The following SIM2 variants were observed in gnomAD, a reference collection of about 807,000 sequenced individuals.
SIM2 encodes the protein single-minded homolog 2.
SIM2 carries 28 observed loss-of-function variants against 64.8 expected under a neutral mutation model. The observed-to-expected ratio is 0.43, with a 90% CI of 0.32 to 0.59. The LOEUF (loss-of-function observed/expected upper bound fraction) is 0.59. Ranked by LOEUF, SIM2 falls within the 20% of genes least tolerant of loss-of-function variation. The pLI is 0.07. For missense variants in SIM2, 847 were observed against 871.4 expected (o/e 0.97, Z 0.35); for synonymous variants, 408 against 391.1 (o/e 1.04, Z -0.51).
Position 36,743,424 on chromosome 21 carries a change from C to G in SIM2, c.1036C>G (p.Gln346Glu). 6.2e-7 allele frequency: 1 copy of G among 1,613,990 alleles called. No individual in the cohort carries two copies. The highest frequency in any genetic ancestry group is 8.5e-7 in the Non-Finnish European group (1 of 1,179,934). ...CAAGGAACTTCAGCTGTCCCTGGAGCAGGTGTCCACTGCCAAGTCCCAGGA... is the reference window on the plus strand; with the variant it reads ...CAAGGAACTTCAGCTGTCCCTGGAGGAGGTGTCCACTGCCAAGTCCCAGGA... ...EYKELQLSLE[Q>E]VSTAKSQDSW... Residue 346 changes from glutamine to glutamate, a missense_variant, in exon 9 of 11, where the codon CAG (glutamine) becomes GAG (glutamate). This residue lies in a region of SIM2 where 447 missense variants were observed against 414.6 expected (regional missense o/e 1.08). Coordinates refer to ENST00000290399, the MANE Select transcript of SIM2 (RefSeq NM_005069.6).
intron 1 of SIM2, among the ~76,000 whole-genome samples, chr21:36,702,003 G>A (rs1211649996): frequency 2.0e-5 from 3 of 152,230 alleles, no homozygotes; most frequent in South Asian, 2.1e-4. Flanking sequence ...TAGTAAGGGA[G>A]GGCCGAGAAG....
rs373311762 is a variant in SIM2 at position 36,707,950 on chromosome 21, G to C, written c.176-1218G>C. 7.9e-5 allele frequency among the ~76,000 whole-genome samples: 12 copies of C among 152,304 alleles called. 1 individual carries two copies. The highest frequency in any genetic ancestry group is 3.9e-4 in the East Asian group (2 of 5,168). ...CACTCAGGACGGCAGTGGGGGGCTG[G>C]GGCTGGGGCTGGGCCTGGCCCAGCG... On this transcript the variant is annotated intron_variant, in intron 1 of 10. Transcript: ENST00000290399.
At chr21:36,710,353 C>G (rs1408347764) in intron 2 of SIM2, 1 of 152,286 alleles carries the variant, frequency 6.6e-6, no homozygotes, top group South Asian at 2.1e-4. Flanking sequence ...CGCCCCTGAC[C>G]TCGGCTTTTC....
Position 36,699,472 on chromosome 21 carries a change from G to A in SIM2, c.-275G>A, listed in dbSNP as rs2088451521. ...GGAGGGAGGAAACAGGAGCGAGCAG[G>A]AACGGGGCTCCGGTTGCTGCAGGAC... On this transcript the variant is annotated 5_prime_UTR_variant, in exon 1 of 11. Transcript: ENST00000290399. This position sits in a 1 kb window ranked among gnomAD's most constrained non-coding sequence, Gnocchi z 5.6. The A allele has an allele frequency of 3.9e-6, 1 of 258,402 alleles. No individual in the cohort carries two copies. Among genetic ancestry groups the A allele is most frequent in the African/African-American group, 2.3e-5 (1 of 44,380 alleles). 16.0% of individuals were successfully genotyped at this position (258,402 alleles called of 1,614,324 possible).
In SIM2 at chr21:36,743,468, G is replaced by T; in HGVS notation, c.1080G>T (p.Leu360Phe). 1 of 1,614,128 alleles carries T rather than the reference G, an allele frequency of 6.2e-7. No individual in the cohort carries two copies. Among genetic ancestry groups the T allele is most frequent in the Non-Finnish European group, 8.5e-7 (1 of 1,180,000 alleles). Residue 360 changes from leucine to phenylalanine, a missense_variant, in exon 9 of 11, where the codon TTG becomes TTT. By Grantham distance (22) the Leu-to-Phe change is conservative (BLOSUM62 0). Around this residue, in one of 3 missense-constraint regions of SIM2, gnomAD observed 447 missense variants for 414.6 expected, o/e 1.08. Transcript: ENST00000290399. Reference sequence around the variant, plus strand: ...CCCAGGACTCCTGGAGGACCGCCTTGTCTACCTCACAAGAAACTAGGAAAT... The same window carrying T: ...CCCAGGACTCCTGGAGGACCGCCTTTTCTACCTCACAAGAAACTAGGAAAT... Reference protein sequence around the residue: ...AKSQDSWRTALSTSQETRKLV... With the variant: ...AKSQDSWRTAFSTSQETRKLV...
At chr21:36,724,275 G>A (rs2088861910) in intron 5 of SIM2, among the ~76,000 whole-genome samples, 1 of 152,114 alleles carries the variant, frequency 6.6e-6, no homozygotes, top group Non-Finnish European at 1.5e-5. Flanking sequence ...CATTCTTCAG[G>A]GCACTTGGGT....
At chr21:36,735,248 G>A (rs550209610) in intron 7 of SIM2, among the ~76,000 whole-genome samples, 5 of 152,192 alleles carry the variant, frequency 3.3e-5, no homozygotes, top group African/African-American at 1.2e-4. Context: ...AGGCCTCAGT[G>A]GGGGAGAACA....
chr21:36,743,168 C>T (rs2123503522), intron 8 of SIM2, among the ~76,000 whole-genome samples: 1 of 152,334 alleles, frequency 6.6e-6, no homozygotes, highest in Non-Finnish European at 1.5e-5. Context: ...GGAGAGAGCT[C>T]TGACCTGGCT....
At position 36,699,712 on chromosome 21, in the gene SIM2, A is replaced by T. The variant is rs768175455; in HGVS notation, c.-35A>T. The T allele has an allele frequency of 6.2e-7, 1 of 1,600,774 alleles. No homozygotes were observed. The highest frequency in any genetic ancestry group is 8.5e-7 in the Non-Finnish European group (1 of 1,174,332). ...GAGCGGGGCTCCGCGGGCCTGGAGC[A>T]CGGCCGGGTCTAATATGCCCGGAGC... On this transcript the variant is annotated 5_prime_UTR_variant, in exon 1 of 11. Coordinates refer to ENST00000290399, the MANE Select transcript of SIM2 (RefSeq NM_005069.6). This position sits in a 1 kb window ranked among gnomAD's most constrained non-coding sequence, Gnocchi z 5.6.
At chr21:36,723,728 C>T (rs2088853814) in intron 5 of SIM2, among the ~76,000 whole-genome samples, 1 of 152,220 alleles carries the variant, frequency 6.6e-6, no homozygotes, top group Non-Finnish European at 1.5e-5. Flanking sequence ...GGAGCTGGGA[C>T]TCTGAGCCCA....
At position 36,747,888 on chromosome 21, in the gene SIM2, C is replaced by T. The variant is rs557536178; in HGVS notation, c.1800C>T (p.Leu600=). ...GAPAQLPFVL[L]NYHRVLARRG... ...CGGCGCAGCTGCCCTTCGTGCTGCT[C>T]AACTACCACCGCGTGCTGGCCCGGC... Residue 600 remains leucine (L), a synonymous_variant, in exon 11 of 11, where the codon CTC becomes CTT. Transcript: ENST00000290399. The surrounding 1 kb of genome is among the most constrained non-coding windows in gnomAD (Gnocchi z 4.5). 318 of 1,073,478 alleles carry T rather than the reference C, an allele frequency of 3.0e-4. No individual in the cohort carries two copies. In the African/African-American group the frequency reaches 4.9e-3, roughly 17 times the overall value. The allele number at this position is 1,073,478 out of a possible 1,614,324, so 66.5% of individuals were successfully genotyped here. A position where few individuals can be genotyped will look rare whatever the true frequency, so the allele number is the denominator to read the frequency against.
At position 36,716,061 on chromosome 21, in the gene SIM2, G is replaced by A. The variant is rs149836146; in HGVS notation, c.348+3439G>A. ...GCAGGCTTTCAGCCTGAAAACTCCC[G>A]TTGGTGGGCACACTCGCACACGTGT... On this transcript the variant is annotated intron_variant, in intron 3 of 10. Coordinates refer to ENST00000290399, the MANE Select transcript of SIM2 (RefSeq NM_005069.6). Among the ~76,000 whole-genome samples the A allele has an allele frequency of 9.5e-3, 1,446 of 152,278 alleles. 14 individuals carry two copies. The highest frequency in any genetic ancestry group is 0.013 in the Non-Finnish European group (876 of 68,018).
chr21:36,722,331 C>T (rs769897418), intron 4 of SIM2, among the ~76,000 whole-genome samples: 1 of 152,176 alleles, frequency 6.6e-6, no homozygotes, highest in Admixed American at 6.5e-5. Flanking sequence ...AGGGCAGTGA[C>T]CTCAGGGAGG....
At chr21:36,705,526 C>A (rs746708901) in intron 1 of SIM2, among the ~76,000 whole-genome samples, 1 of 152,218 alleles carries the variant, frequency 6.6e-6, no homozygotes, top group Non-Finnish European at 1.5e-5. Context: ...CCGGCAAACA[C>A]TGGGGCTTCG....
chr21:36,743,998 C>T (rs909751505), intron 9 of SIM2, among the ~76,000 whole-genome samples: 4 of 152,150 alleles, frequency 2.6e-5, no homozygotes, highest in Admixed American at 2.0e-4. Flanking sequence ...CCTGTAATAC[C>T]AGCACTTTGG....
chr21:36,727,648 A>G (rs2088910041), intron 6 of SIM2, among the ~76,000 whole-genome samples: 2 of 152,194 alleles, frequency 1.3e-5, no homozygotes, highest in African/African-American at 2.4e-5. Context: ...TCAGCTGTGC[A>G]GTCGGGAATA....
At chr21:36,738,347 TA>T (rs1331089587) in intron 7 of SIM2, among the ~76,000 whole-genome samples, 1 of 151,946 alleles carries the variant, frequency 6.6e-6, no homozygotes, top group Admixed American at 6.6e-5. Flanking sequence ...TCTACTAAAC[TA>T]CAAAAAATTA....
At chr21:36,725,143 C>T (rs528693523) in intron 5 of SIM2, among the ~76,000 whole-genome samples, 5 of 152,166 alleles carry the variant, frequency 3.3e-5, no homozygotes, top group East Asian at 1.9e-4. Flanking sequence ...CCCAGGGGTT[C>T]GAGACCAGTC....
intron 2 of SIM2, among the ~76,000 whole-genome samples, chr21:36,711,955 A>T (rs1230317554): frequency 6.6e-6 from 1 of 152,170 alleles, no homozygotes; most frequent in East Asian, 1.9e-4. Flanking sequence ...AGGTTATTTG[A>T]TCTCTTGCAA....
Sources: gnomAD v4.1 joint callset for allele counts (sites outside exome capture counted in the v4.1 genomes callset) on GRCh38, gnomAD v4.1.1 for gene constraint, gnomAD v4.1.1 regional missense constraint, Gnocchi (gnomAD v3.1) non-coding constraint, MANE v1.5 for transcripts, NCBI Gene and HGNC (gene_info 2026-07-23, HGNC 2026-07-21) for gene names.